The following CCDC120 variants were observed in gnomAD, a reference collection of about 807,000 sequenced individuals.
CCDC120 encodes the protein coiled-coil domain-containing protein 120.
A neutral mutation model predicts 37.6 loss-of-function variants in CCDC120; 16 were observed. The observed-to-expected ratio is 0.43, with a 90% CI of 0.29 to 0.65. CCDC120 has a LOEUF of 0.65. CCDC120 is among the 30% of genes least tolerant of loss of function. The pLI, the probability that CCDC120 is intolerant of heterozygous loss-of-function variation, is 0.18. For missense variants in CCDC120, 650 were observed against 657.4 expected (o/e 0.99, Z 0.12); for synonymous variants, 309 against 275.4 (o/e 1.12, Z -1.21).
At chrX:49,067,044 C>T in intron 9 of CCDC120, 132 bp from the exon 10 acceptor site, 2 of 556,498 alleles carry the variant, frequency 3.6e-6, no homozygotes, top group Non-Finnish European at 5.9e-6. Flanking sequence ...TTTATACACA[C>T]AGCTTCCAAC....
chrX:49,069,212 C>T lies in CCDC120; in HGVS notation c.*554C>T, dbSNP rs373271674. 4 of 115,182 alleles carry T rather than the reference C, an allele frequency of 3.5e-5. No individual in the cohort carries two copies. In the East Asian group the frequency reaches 1.1e-3, roughly 31 times the overall value. The allele number at this position is 115,182 out of a possible 1,213,427, so 9.5% of individuals were successfully genotyped here. ...AAGGACTGCAGTCTGGGTGGGATGC[C>T]TGAAAGAGCCCAACCCCCTCTGTGC... On this transcript the variant is annotated 3_prime_UTR_variant, in exon 11 of 11. Coordinates refer to ENST00000603986, the MANE Select transcript of CCDC120 (RefSeq NM_001163321.4).
At chrX:49,067,103 G>A in intron 9 of CCDC120, 73 bp from the exon 10 acceptor site, 1 of 944,616 alleles carries the variant, frequency 1.1e-6, no homozygotes, top group Non-Finnish European at 1.5e-6. Flanking sequence ...AAGGGCTGGG[G>A]TAGGGAGGGC....
At chrX:49,063,823 C>A (rs373448868) in intron 4 of CCDC120, 38 bp from the exon 5 acceptor site, 32 of 1,166,558 alleles carry the variant, frequency 2.7e-5, no homozygotes, top group Non-Finnish European at 3.7e-5. Flanking sequence ...ATCCTTCCAA[C>A]TAACCCTTGG....
At position 49,066,138 on chromosome X, in the gene CCDC120, G is replaced by A. The variant is rs189566438; in HGVS notation, c.1061+293G>A. Among the ~76,000 whole-genome samples, 59 of 111,586 alleles carry A rather than the reference G, an allele frequency of 5.3e-4. 3 individuals carry two copies. The South Asian group carries it at 0.013, about 25-fold the overall frequency. On this transcript the variant is annotated intron_variant, in intron 9 of 10. Transcript: ENST00000603986. Reference sequence around the variant, plus strand: ...CTTCGGAGGCTGAGGCAGGAGAATCGCTTGAACCCGGGAGGCGGAGGTTGC... The same window carrying A: ...CTTCGGAGGCTGAGGCAGGAGAATCACTTGAACCCGGGAGGCGGAGGTTGC...
At chrX:49,068,254 C>T (rs925574844) in intron 10 of CCDC120, 164 bp downstream of exon 10, 5 of 1,085,674 alleles carry the variant, frequency 4.6e-6, no homozygotes, top group Non-Finnish European at 6.0e-6. Flanking sequence ...CTGCATTAGT[C>T]CATGGGGTCC....
At position 49,063,946 on chromosome X, in the gene CCDC120, G is replaced by A. The variant is rs370462231; in HGVS notation, c.374G>A (p.Arg125His). 182 of 1,205,973 alleles carry A rather than the reference G, an allele frequency of 1.5e-4. No homozygotes were observed. Among genetic ancestry groups the A allele is most frequent in the Admixed American group, 6.8e-4 (31 of 45,302 alleles). ...GTCCGCCGGCGGCCCCCCACAGCCC[G>A]CGCCTACCCTCCACCGCACCCCAAC... ...QLVRRRPPTA[R>H]AYPPPHPNQA... Residue 125 changes from arginine (R) to histidine (H), a missense_variant, in exon 5 of 11, where the codon CGC becomes CAC. By Grantham distance (29) the Arg-to-His change is conservative. Coordinates refer to ENST00000603986, the MANE Select transcript of CCDC120 (RefSeq NM_001163321.4).
intron 4 of CCDC120, among the ~76,000 whole-genome samples, chrX:49,063,277 C>T (rs2064910415): frequency 1.8e-5 from 2 of 109,408 alleles, no homozygotes; most frequent in South Asian, 8.0e-4. Context: ...CGCTTAAACC[C>T]TGGAGGTGGA....
chrX:49,057,653 G>T (rs954565264), upstream of CCDC120, among the ~76,000 whole-genome samples: 1 of 112,754 alleles, frequency 8.9e-6, no homozygotes, highest in Non-Finnish European at 1.9e-5. Context: ...AATAGTATGA[G>T]TCTGGGGCAT....
chrX:49,058,235 T>C (rs1222604039), upstream of CCDC120, among the ~76,000 whole-genome samples: 9 of 111,919 alleles, frequency 8.0e-5, no homozygotes, highest in Non-Finnish European at 1.7e-4. Context: ...TCAAAACCCA[T>C]AAGTGTTTTG....
In CCDC120 at chrX:49,068,099, G is replaced by A. The variant is rs2064982786; in HGVS notation, c.1976+9G>A. 1 of 1,161,373 alleles carries A rather than the reference G, an allele frequency of 8.6e-7. No individual in the cohort carries two copies. The highest frequency in any genetic ancestry group is 1.9e-5 in the South Asian group (1 of 51,881). ...CCCCCTGTCTCTGGCAGGTATGGGG[G>A]GTGCTTTTACTGATGGGTAGGGGTC... On this transcript the variant is annotated intron_variant, in intron 10 of 10. Coordinates refer to ENST00000603986, the MANE Select transcript of CCDC120 (RefSeq NM_001163321.4).
chrX:49,061,871 G>A lies in CCDC120; in HGVS notation c.-83-88G>A, dbSNP rs1372791212. ...TCTGAAGATTGAGTGTGGCATCATA[G>A]GTAACTGTTGCAGGCACCCAGGTGT... On this transcript the variant is annotated intron_variant, in intron 1 of 10. Coordinates refer to ENST00000603986, the MANE Select transcript of CCDC120 (RefSeq NM_001163321.4). 12 of 925,007 alleles carry A rather than the reference G, an allele frequency of 1.3e-5. No homozygotes were observed. In the African/African-American group the frequency reaches 1.8e-4, roughly 14 times the overall value. The allele number at this position is 925,007 out of a possible 1,213,427, so 76.2% of individuals were successfully genotyped here. A position where few individuals can be genotyped will look rare whatever the true frequency, so the allele number is the denominator to read the frequency against.
At position 49,068,636 on chromosome X, in the gene CCDC120, A is replaced by G; in HGVS notation, c.2069A>G (p.Gln690Arg). 8.7e-7 allele frequency: 1 copy of G among 1,152,590 alleles called. No homozygotes were observed. Among genetic ancestry groups the G allele is most frequent in the Non-Finnish European group, 1.2e-6 (1 of 866,133 alleles). The allele number at this position is 1,152,590 out of a possible 1,213,427, so 95.0% of individuals were successfully genotyped here. ...GAGCAGTCCTCCAGTTCTGACACCC[A>G]GACCCCGGGGACACTGGTCTGACCC... Reference protein sequence around the residue: ...EGEQSSSSDTQTPGTLV With the variant: ...EGEQSSSSDTRTPGTLV The change falls in exon 11 of 11, where the codon CAG (glutamine) becomes CGG (arginine). Residue 690 changes from glutamine to arginine, a missense_variant. Gln to Arg is a conservative substitution (Grantham distance 43). Around this residue, in one of 3 missense-constraint regions of CCDC120, gnomAD observed 576 missense variants for 565.3 expected, o/e 1.02. Coordinates refer to ENST00000603986, the MANE Select transcript of CCDC120 (RefSeq NM_001163321.4).
upstream of CCDC120, among the ~76,000 whole-genome samples, chrX:49,056,452 C>A (rs980805639): frequency 2.8e-5 from 3 of 108,769 alleles, no homozygotes; most frequent in Non-Finnish European, 1.9e-5. Flanking sequence ...GATGGTGAAA[C>A]CCCGTCTCTA....
upstream of CCDC120, among the ~76,000 whole-genome samples, chrX:49,058,053 G>A (rs1017371594): frequency 9.0e-6 from 1 of 111,565 alleles, no homozygotes; most frequent in South Asian, 3.8e-4. Context: ...GCCTCTGTCT[G>A]CCTCCCAGCC....
upstream of CCDC120, among the ~76,000 whole-genome samples, chrX:49,055,076 A>T (rs192713783): frequency 1.8e-5 from 2 of 112,177 alleles, no homozygotes; most frequent in Non-Finnish European, 3.8e-5. Context: ...TGCGTGGCTG[A>T]TGGGGGTTTT....
At position 49,067,671 on chromosome X, in the gene CCDC120, G is replaced by A; in HGVS notation, c.1557G>A (p.Met519Ile). ...CCCGCCGGGATGGGCTCCTCACCAT[G>A]CTCCCCGGCCCACCACCTGTGTATG... ...PLSRRDGLLT[M>I]LPGPPPVYAA... Residue 519 changes from methionine (M) to isoleucine (I), a missense_variant, in exon 10 of 11, where the codon ATG becomes ATA. Met to Ile is a conservative substitution (Grantham distance 10, BLOSUM62 1). This residue lies in a region of CCDC120 where 576 missense variants were observed against 565.3 expected (regional missense o/e 1.02). Coordinates refer to ENST00000603986, the MANE Select transcript of CCDC120 (RefSeq NM_001163321.4). 8.3e-7 allele frequency: 1 copy of A among 1,202,388 alleles called. No individual in the cohort carries two copies. The highest frequency in any genetic ancestry group is 1.1e-6 in the Non-Finnish European group (1 of 889,574).
Position 49,068,594 on chromosome X carries a change from A to G in CCDC120, c.2027A>G (p.Asp676Gly). The stretch of plus-strand genomic sequence containing the variant: ...CCGGAGCTGAGCGCTCGTTTAAGTG[A>G]CCTGACGCTAGAGGGGGAGCAGTCC... The part of the protein sequence containing the change: ...YPPELSARLS[D>G]LTLEGEQSSS... Residue 676 changes from aspartate to glycine, a missense_variant, in exon 11 of 11, where the codon GAC (aspartate) becomes GGC (glycine). Asp to Gly is a moderately conservative substitution (Grantham distance 94). Transcript: ENST00000603986. 2 of 1,156,314 alleles carry G rather than the reference A, an allele frequency of 1.7e-6. No homozygotes were observed. Among genetic ancestry groups the G allele is most frequent in the Non-Finnish European group, 2.3e-6 (2 of 867,455 alleles).
chrX:49,064,077 G>C, intron 5 of CCDC120, 76 bp downstream of exon 5: 1 of 1,096,652 alleles, frequency 9.1e-7, no homozygotes, highest in African/African-American at 1.8e-5. Context: ...AGGAAGGTGT[G>C]GGGAGGGGGC....
rs2064996437 is a variant in CCDC120 at position 49,069,430 on chromosome X, CAGCGGCGCA to C, written c.*774_*782del. The stretch of plus-strand genomic sequence containing the variant: ...CTTGCTCTGTCACCAGGCTGGAGTG[CAGCGGCGCA>C]ATCTCAGCTCACTGCAACCTCTGCC... On this transcript the variant is annotated 3_prime_UTR_variant, in exon 11 of 11. Transcript: ENST00000603986. 8.9e-6 allele frequency: 1 copy of C among 112,437 alleles called. No individual in the cohort carries two copies. The highest frequency in any genetic ancestry group is 3.2e-5 in the African/African-American group (1 of 30,929). 9.3% of individuals were successfully genotyped at this position (112,437 alleles called of 1,213,427 possible).
Sources: allele counts gnomAD v4.1 joint callset (sites outside exome capture counted in the v4.1 genomes callset), GRCh38; gene constraint gnomAD v4.1.1; regional missense constraint gnomAD v4.1.1; transcripts MANE v1.5; gene names NCBI Gene and HGNC (gene_info 2026-07-23, HGNC 2026-07-21).